The following ACSF3 variants were observed in gnomAD, a reference collection of about 807,000 sequenced individuals.
The protein encoded by ACSF3 is acyl-CoA synthetase family member 3.
Under a neutral mutation model 53.2 loss-of-function variants are expected in ACSF3, and 78 were observed. That is an observed-to-expected ratio of 1.47 (90% CI 1.22 to 1.77). The LOEUF is 1.77. Among genes scored for constraint, ACSF3 ranks in the 40% most tolerant of loss-of-function variants. The pLI is 0.00. For synonymous variants in ACSF3, 414 were observed against 333.1 expected (o/e 1.24, Z -2.65); for missense variants, 937 against 771.1 (o/e 1.22, Z -2.55).
At position 89,100,982 on chromosome 16, in the gene ACSF3, C is replaced by T. The variant is rs1252175540; in HGVS notation, c.301C>T (p.Leu101=). 3 of 1,613,524 alleles carry T rather than the reference C, an allele frequency of 1.9e-6. No homozygotes were observed. The highest frequency in any genetic ancestry group is 1.7e-5 in the Admixed American group (1 of 60,014). The change falls in exon 3 of 11, where the codon CTA becomes TTA. Residue 101 remains leucine, a synonymous_variant. Transcript: ENST00000614302. The part of the protein sequence containing the change: ...GDLREERVSF[L]CANDASYVVA... ...CCTCCGGGAGGAGAGGGTCTCCTTC[C>T]TATGCGCTAACGATGCCTCCTACGT...
At chr16:89,153,727 G>C in intron 10 of ACSF3, 1 of 350,364 alleles carries the variant, frequency 2.9e-6, no homozygotes, top group Non-Finnish European at 5.5e-6. Flanking sequence ...GAGTGAAATG[G>C]GGCCTTCCAG....
At chr16:89,120,942 C>T (rs762698794) in intron 7 of ACSF3, 29 bp downstream of exon 7, 18 of 1,599,092 alleles carry the variant, frequency 1.1e-5, no homozygotes, top group South Asian at 6.6e-5. Context: ...GGCAGGTGGG[C>T]GGCCGTGTGT....
chr16:89,110,335 A>C, intron 4 of ACSF3, among the ~76,000 whole-genome samples: 1 of 152,174 alleles, frequency 6.6e-6, no homozygotes, highest in Non-Finnish European at 1.5e-5. Flanking sequence ...ATATGGTGTG[A>C]GGTAGGGTCT....
chr16:89,134,099 G>C (rs762022400), intron 8 of ACSF3, among the ~76,000 whole-genome samples: 17 of 152,206 alleles, frequency 1.1e-4, no homozygotes, highest in Admixed American at 9.8e-4. Flanking sequence ...TTTGGATAGC[G>C]GACGTATGTG....
intron 1 of ACSF3, among the ~76,000 whole-genome samples, chr16:89,094,935 C>G (rs1423568496): frequency 1.3e-5 from 2 of 152,190 alleles, no homozygotes; most frequent in African/African-American, 2.4e-5. Flanking sequence ...GATATTTGAA[C>G]TGGGCTTGGA....
At chr16:89,119,269 C>T (rs972100198) in intron 6 of ACSF3, among the ~76,000 whole-genome samples, 15 of 152,354 alleles carry the variant, frequency 9.8e-5, no homozygotes, top group African/African-American at 3.1e-4. Context: ...CTACCCCAGC[C>T]GTGCCGTGTC....
chr16:89,151,216 C>T (rs764644087), intron 10 of ACSF3: 24 of 469,936 alleles, frequency 5.1e-5, no homozygotes, highest in Middle Eastern at 3.2e-4. Context: ...CCAAGACTGA[C>T]GCAAACACTG....
At chr16:89,097,798 C>T (rs1383650526) in intron 1 of ACSF3, among the ~76,000 whole-genome samples, 2 of 152,134 alleles carry the variant, frequency 1.3e-5, no homozygotes, top group South Asian at 2.1e-4. Context: ...ATGGGTGCCT[C>T]GCGTCAGGAG....
chr16:89,103,606 C>T (rs1212793712), intron 4 of ACSF3, among the ~76,000 whole-genome samples: 1 of 152,270 alleles, frequency 6.6e-6, no homozygotes, highest in Non-Finnish European at 1.5e-5. Flanking sequence ...CGAGAGGTGA[C>T]ACATTCGGGG....
In ACSF3 at chr16:89,145,421, C is replaced by A; in HGVS notation, c.1501+20C>A. 1 of 1,613,574 alleles carries A rather than the reference C, an allele frequency of 6.2e-7. No homozygotes were observed. The highest frequency in any genetic ancestry group is 8.5e-7 in the Non-Finnish European group (1 of 1,179,942). On this transcript the variant is annotated intron_variant, in intron 9 of 10. Coordinates refer to ENST00000614302, the MANE Select transcript of ACSF3 (RefSeq NM_001243279.3). ...TCACAGGTGCGTGGCCGGACTTGGG[C>A]CAGGGAGGCCAGGCTAGACGGGTGC...
chr16:89,140,973 G>A (rs992169545), intron 8 of ACSF3: 2 of 1,021,168 alleles, frequency 2.0e-6, no homozygotes, highest in Non-Finnish European at 1.3e-6. Context: ...CAGCCCATTG[G>A]CAGCCGACTC....
chr16:89,113,688 A>T, intron 5 of ACSF3: 1 of 169,652 alleles, frequency 5.9e-6, no homozygotes, highest in South Asian at 1.3e-4. Flanking sequence ...CGCCTTCCCT[A>T]CTGCCCGTGA....
chr16:89,100,591 T>C (rs2044664148), intron 2 of ACSF3, 71 bp from the exon 3 acceptor site: 1 of 1,455,876 alleles, frequency 6.9e-7, no homozygotes, highest in Non-Finnish European at 9.2e-7. Context: ...GGGAGGTGTT[T>C]TAAATCCTGT....
At chr16:89,103,834 G>A (rs928387196) in intron 4 of ACSF3, among the ~76,000 whole-genome samples, 6 of 152,226 alleles carry the variant, frequency 3.9e-5, no homozygotes, top group Admixed American at 1.3e-4. Flanking sequence ...GGAAGGACGC[G>A]GTGCTGGTCA....
intron 8 of ACSF3, chr16:89,141,308 G>A: frequency 3.1e-6 from 4 of 1,286,022 alleles, no homozygotes; most frequent in Non-Finnish European, 4.1e-6. Flanking sequence ...CTGGGAATGG[G>A]CAGGGAGATG....
chr16:89,130,111 C>G (rs1408760724), intron 7 of ACSF3, among the ~76,000 whole-genome samples: 2 of 152,260 alleles, frequency 1.3e-5, no homozygotes, highest in African/African-American at 4.8e-5. Context: ...ATACCAGTTT[C>G]TTTCTGTCTG....
At chr16:89,153,787 C>T (rs1215641634) in intron 10 of ACSF3, 2 of 434,842 alleles carry the variant, frequency 4.6e-6, no homozygotes, top group Non-Finnish European at 8.6e-6. Context: ...GGCCCCTCTG[C>T]CCTGCAGGCC....
rs758530787 is a variant in ACSF3 at position 89,101,162 on chromosome 16, A to C, written c.481A>C (p.Arg161=). 6.2e-7 allele frequency: 1 copy of C among 1,613,242 alleles called. No homozygotes were observed. ...CCTGGAGCTCCTGAGCCCGGTGGTC[A>C]GGAAGCTGGGGGTCCCGCTGCTGCC... ...EYLELLSPVV[R]KLGVPLLPLT... The change falls in exon 3 of 11, where the codon AGG becomes CGG. Residue 161 remains arginine (R), a synonymous_variant. Transcript: ENST00000614302.
intron 8 of ACSF3, among the ~76,000 whole-genome samples, chr16:89,134,226 G>A (rs906123340): frequency 6.6e-6 from 1 of 152,052 alleles, no homozygotes; most frequent in Non-Finnish European, 1.5e-5. Flanking sequence ...CTGACCTGGG[G>A]TTCTTGGCCT....
Sources: gnomAD v4.1 joint callset for allele counts (sites outside exome capture counted in the v4.1 genomes callset) on GRCh38, gnomAD v4.1.1 for gene constraint, MANE v1.5 for transcripts, NCBI Gene and HGNC (gene_info 2026-07-23, HGNC 2026-07-21) for gene names.